The following VTI1A variants were observed in gnomAD, a reference collection of about 807,000 sequenced individuals.
The protein encoded by VTI1A is vesicle transport through interaction with t-SNAREs 1A.
VTI1A carries 22 observed loss-of-function variants against 34.9 expected under a neutral mutation model. The ratio of observed to expected loss-of-function variants is 0.63; its 90% CI spans 0.45 to 0.90. VTI1A has a LOEUF of 0.90. Among genes scored for constraint, VTI1A ranks in the 40% least tolerant of loss-of-function variants. The probability of loss-of-function intolerance (pLI) is 0.00; values close to 1 mark genes in which losing one functional copy is unlikely to be tolerated. For synonymous variants in VTI1A, 87 were observed against 97.3 expected, an observed-to-expected ratio of 0.89 and a Z score of 0.62; for missense variants, 268 against 275.6, an observed-to-expected ratio of 0.97 and a Z score of 0.20.
intron 7 of VTI1A, among the ~76,000 whole-genome samples, chr10:112,790,722 C>T (rs922261778): frequency 6.7e-6 from 1 of 150,234 alleles, no homozygotes; most frequent in Non-Finnish European, 1.5e-5. Context: ...CACTTCTCAA[C>T]TTGTTTTTTG....
chr10:112,688,180 C>T (rs559732179), intron 7 of VTI1A, among the ~76,000 whole-genome samples: 18 of 151,916 alleles, frequency 1.2e-4, no homozygotes, highest in African/African-American at 4.3e-4. Flanking sequence ...TCTCGAACTC[C>T]TGACCTCAGG....
At chr10:112,591,202 G>A (rs566547495) in intron 5 of VTI1A, among the ~76,000 whole-genome samples, 1 of 152,238 alleles carries the variant, frequency 6.6e-6, no homozygotes, top group South Asian at 2.1e-4. Flanking sequence ...CAGCCTCTCT[G>A]TTGGGTACTC....
At chr10:112,615,033 T>G (rs1439465743) in intron 5 of VTI1A, among the ~76,000 whole-genome samples, 1 of 152,190 alleles carries the variant, frequency 6.6e-6, no homozygotes, top group East Asian at 1.9e-4. Context: ...TTCCCAAATA[T>G]GTGGCAAATG....
At chr10:112,623,436 CTTTT>C (rs36045478) in intron 5 of VTI1A, among the ~76,000 whole-genome samples, 3 of 134,116 alleles carry the variant, frequency 2.2e-5, no homozygotes, top group East Asian at 2.1e-4. Flanking sequence ...TTAAAATAAC[CTTTT>C]TTTTTTTTTT....
intron 3 of VTI1A, among the ~76,000 whole-genome samples, chr10:112,488,081 A>G (rs1317060939): frequency 6.6e-6 from 1 of 152,230 alleles, no homozygotes; most frequent in Admixed American, 6.5e-5. Flanking sequence ...GTACTGTGGT[A>G]GTGTCAGAAT....
At chr10:112,648,360 T>A (rs905977054) in intron 5 of VTI1A, among the ~76,000 whole-genome samples, 2 of 152,202 alleles carry the variant, frequency 1.3e-5, no homozygotes, top group Non-Finnish European at 2.9e-5. Context: ...AGATGCTATT[T>A]GTGATATTCA....
intron 5 of VTI1A, among the ~76,000 whole-genome samples, chr10:112,653,349 A>G (rs1396931665): frequency 6.6e-6 from 1 of 152,114 alleles, no homozygotes; most frequent in Non-Finnish European, 1.5e-5. Flanking sequence ...ATGACATCCA[A>G]AGAGTCATAT....
chr10:112,461,626 T>G lies in VTI1A; in HGVS notation c.153+1044T>G, dbSNP rs1564786406. Among the ~76,000 whole-genome samples, 3 of 152,192 alleles carry G rather than the reference T, an allele frequency of 2.0e-5. No homozygotes were observed. In the South Asian group the frequency reaches 6.2e-4, roughly 32 times the overall value. On this transcript the variant is annotated intron_variant, in intron 2 of 7. Transcript: ENST00000393077. ...ATGGAGCAAAAAAGGACTAAAAGTA[T>G]TGTGTCTTAATTTGGGGTTTTAAAA...
intron 7 of VTI1A, among the ~76,000 whole-genome samples, chr10:112,714,488 A>G (rs1849537219): frequency 6.6e-6 from 1 of 152,222 alleles, no homozygotes; most frequent in South Asian, 2.1e-4. Context: ...GGCATAGAGT[A>G]AGGACTTAAT....
At chr10:112,759,349 T>G (rs1564914647) in intron 7 of VTI1A, among the ~76,000 whole-genome samples, 1 of 152,172 alleles carries the variant, frequency 6.6e-6, no homozygotes, top group Non-Finnish European at 1.5e-5. Context: ...GAGCTGTAGT[T>G]AAAGCCAAAT....
chr10:112,624,956 G>T (rs1845866949), intron 5 of VTI1A, among the ~76,000 whole-genome samples: 1 of 152,044 alleles, frequency 6.6e-6, no homozygotes, highest in South Asian at 2.1e-4. Context: ...AAATTAGCCA[G>T]GCACAGTGGC....
Position 112,753,310 on chromosome 10 carries a change from A to G in VTI1A, c.561-61980A>G, listed in dbSNP as rs539699946. On this transcript the variant is annotated intron_variant, in intron 7 of 7. Transcript: ENST00000393077. ...TAATAATAATACAACCTGGAGTTTC[A>G]TAATCAGAAAGAACAGATGTCCCCA... Among the ~76,000 whole-genome samples the G allele has an allele frequency of 8.5e-5, 13 of 152,088 alleles. No individual in the cohort carries two copies. In the East Asian group the frequency reaches 1.7e-3, roughly 20 times the overall value.
At chr10:112,661,461 T>G (rs1434172359) in intron 5 of VTI1A, among the ~76,000 whole-genome samples, 1 of 152,168 alleles carries the variant, frequency 6.6e-6, no homozygotes, top group African/African-American at 2.4e-5. Context: ...TGTTCATCAT[T>G]CTTTCTTGTA....
At chr10:112,712,289 G>T (rs1422643645) in intron 7 of VTI1A, among the ~76,000 whole-genome samples, 4 of 152,172 alleles carry the variant, frequency 2.6e-5, no homozygotes, top group African/African-American at 9.7e-5. Context: ...GACCAGGACA[G>T]AAGGAAGTTG....
Position 112,647,646 on chromosome 10 carries a change from A to G in VTI1A, c.428-20572A>G, listed in dbSNP as rs1260543484. ...GTGTTTCATTAAAGTTGTCAAGACTAAAAGTATGTTTTTCCGTAGTTTATG... is the reference window on the plus strand; with the variant it reads ...GTGTTTCATTAAAGTTGTCAAGACTGAAAGTATGTTTTTCCGTAGTTTATG... On this transcript the variant is annotated intron_variant, in intron 5 of 7. Coordinates refer to ENST00000393077, the MANE Select transcript of VTI1A (RefSeq NM_145206.4). Among the ~76,000 whole-genome samples the G allele has an allele frequency of 2.0e-5, 3 of 152,240 alleles. No homozygotes were observed. The East Asian group carries it at 5.8e-4, about 29-fold the overall frequency.
Position 112,546,301 on chromosome 10 carries a change from C to T in VTI1A, c.427+7971C>T, listed in dbSNP as rs372450452. Among the ~76,000 whole-genome samples the T allele has an allele frequency of 1.4e-3, 208 of 152,160 alleles. 2 individuals carry two copies. The highest frequency in any genetic ancestry group is 0.014 in the Middle Eastern group (4 of 294). ...ATACTCCTGGCCAGGCATGGTGGCT[C>T]ACACCTGTAATCCAAAGCACTTTGA... On this transcript the variant is annotated intron_variant, in intron 5 of 7. Coordinates refer to ENST00000393077, the MANE Select transcript of VTI1A (RefSeq NM_145206.4).
chr10:112,655,095 G>A (rs561623581), intron 5 of VTI1A, among the ~76,000 whole-genome samples: 1 of 152,278 alleles, frequency 6.6e-6, no homozygotes, highest in African/African-American at 2.4e-5. Flanking sequence ...ATCACCAGCA[G>A]CATCTGGATA....
the VTI1A span, among the ~76,000 whole-genome samples, chr10:112,843,892 C>G: frequency 4.5e-3 from 689 of 152,198 alleles, 9 homozygotes; most frequent in South Asian, 0.024. Context: ...ACCCCATCTC[C>G]AGTTAATTAC....
intron 3 of VTI1A, among the ~76,000 whole-genome samples, chr10:112,504,765 GGTT>G (rs1849369488): frequency 6.6e-6 from 1 of 152,182 alleles, no homozygotes; most frequent in Non-Finnish European, 1.5e-5. Flanking sequence ...TGGAGATATT[GGTT>G]ACTTGCAAAT....
Sources: allele counts gnomAD v4.1 joint callset (sites outside exome capture counted in the v4.1 genomes callset), GRCh38; gene constraint gnomAD v4.1.1; transcripts MANE v1.5; gene names NCBI Gene and HGNC (gene_info 2026-07-23, HGNC 2026-07-21).